CACNA1E: variants seen among roughly 807,000 people sequenced by gnomAD.
CACNA1E encodes voltage-dependent R-type calcium channel subunit alpha-1E.
CACNA1E carries 40 observed loss-of-function variants against 259.2 expected under a neutral mutation model. The ratio of observed to expected loss-of-function variants is 0.15; its 90% confidence interval spans 0.12 to 0.20. The LOEUF (loss-of-function observed/expected upper bound fraction) is 0.20, where lower values mean the gene tolerates loss of function less well. Ranked by LOEUF, CACNA1E falls within the 10% of genes least tolerant of loss-of-function variation. The pLI is 1.00. For synonymous variants in CACNA1E, 1,104 were observed against 1,138.5 expected, an observed-to-expected ratio of 0.97 and a Z score of 0.61; for missense variants, 1,874 against 3,040.1, an observed-to-expected ratio of 0.62 and a Z score of 9.02.
intron 6 of CACNA1E, among the ~76,000 whole-genome samples, chr1:181,634,109 C>G (rs1656990100): frequency 6.6e-6 from 1 of 152,128 alleles, no homozygotes; most frequent in Non-Finnish European, 1.5e-5. Context: ...TGAGCGTGGT[C>G]TTTGAAGTTA....
At chr1:181,466,100 C>T (rs1472997932) in intron 2 of CACNA1E, among the ~76,000 whole-genome samples, 3 of 152,142 alleles carry the variant, frequency 2.0e-5, no homozygotes, top group African/African-American at 7.2e-5. Flanking sequence ...TCCTTGTTAT[C>T]TATTTTTGCT....
At chr1:181,571,183 A>T (rs1650375795) in intron 3 of CACNA1E, among the ~76,000 whole-genome samples, 1 of 152,196 alleles carries the variant, frequency 6.6e-6, no homozygotes, top group Admixed American at 6.5e-5. Flanking sequence ...CAGGTAAGAA[A>T]ACTGTAGCTC....
At chr1:181,427,135 A>G (rs965111900) in intron 2 of CACNA1E, among the ~76,000 whole-genome samples, 1 of 151,036 alleles carries the variant, frequency 6.6e-6, no homozygotes, top group Non-Finnish European at 1.5e-5. Context: ...TGTCTCCCCA[A>G]CTTGACCCTT....
intron 6 of CACNA1E, among the ~76,000 whole-genome samples, chr1:181,612,032 T>C (rs1654795855): frequency 6.6e-6 from 1 of 152,176 alleles, no homozygotes; most frequent in Non-Finnish European, 1.5e-5. Flanking sequence ...GCAGAGACTG[T>C]CAAGTCACCC....
At chr1:181,717,716 G>A (rs919905262) in intron 11 of CACNA1E, among the ~76,000 whole-genome samples, 2 of 152,038 alleles carry the variant, frequency 1.3e-5, no homozygotes, top group Admixed American at 1.3e-4. Context: ...TGAGGGTCAG[G>A]GGCCTGTCCC....
At chr1:181,784,583 G>T in intron 40 of CACNA1E, 78 bp from the exon 41 acceptor site, 1 of 934,144 alleles carries the variant, frequency 1.1e-6, no homozygotes, top group Non-Finnish European at 1.7e-6. Flanking sequence ...TGCTGATTCA[G>T]CTCCTACCTT....
chr1:181,773,513 C>G (rs1659707185), intron 37 of CACNA1E, among the ~76,000 whole-genome samples: 1 of 152,166 alleles, frequency 6.6e-6, no homozygotes, highest in Non-Finnish European at 1.5e-5. Flanking sequence ...ATCTTATTTA[C>G]AAATATGGAA....
intron 1 of CACNA1E, among the ~76,000 whole-genome samples, chr1:181,345,488 G>A (rs1019660606): frequency 6.6e-5 from 10 of 152,190 alleles, no homozygotes; most frequent in Admixed American, 6.5e-4. Flanking sequence ...TACCGAGAAG[G>A]CTCTAGGCCT....
intron 3 of CACNA1E, among the ~76,000 whole-genome samples, chr1:181,522,491 G>T (rs1667062568): frequency 6.6e-6 from 1 of 152,176 alleles, no homozygotes; most frequent in Non-Finnish European, 1.5e-5. Context: ...TAGAACAATG[G>T]TCAAAAGATC....
At position 181,439,682 on chromosome 1, in the gene CACNA1E, C is replaced by G. The variant is rs79114316; in HGVS notation, c.434+26102C>G. Among the ~76,000 whole-genome samples the G allele has an allele frequency of 2.4e-3, 367 of 152,216 alleles. 2 individuals are homozygous for G. The highest frequency in any genetic ancestry group is 8.6e-3 in the African/African-American group (357 of 41,524). On this transcript the variant is annotated intron_variant, in intron 2 of 11. Transcript: ENST00000524607. Reference sequence around the variant, plus strand: ...GCAAGAGGCTCATCTAAGGCATTTCCCCACAAAAGGGCAAGCCTCTCCCAC... The same window carrying G: ...GCAAGAGGCTCATCTAAGGCATTTCGCCACAAAAGGGCAAGCCTCTCCCAC...
intron 2 of CACNA1E, among the ~76,000 whole-genome samples, chr1:181,417,866 C>T (rs145743234): frequency 5.9e-5 from 9 of 152,302 alleles, no homozygotes; most frequent in Non-Finnish European, 1.0e-4. Flanking sequence ...TGGTACCAGG[C>T]CTTTACCTTC....
Position 181,798,118 on chromosome 1 carries a change from T to C in CACNA1E, c.6400-174T>C, listed in dbSNP as rs1239913286. Among the ~76,000 whole-genome samples the C allele has an allele frequency of 6.6e-6, 1 of 152,208 alleles. No homozygotes were observed. The highest frequency in any genetic ancestry group is 1.5e-5 in the Non-Finnish European group (1 of 68,050). ...TGAGATGTCCTGGTCTAAATGTTCT[T>C]GACTCCTTAATCTCTTCAATCCCTT... On this transcript the variant is annotated intron_variant, in intron 47 of 47. Coordinates refer to ENST00000367573, the MANE Select transcript of CACNA1E (RefSeq NM_001205293.3). The surrounding 1 kb of genome is among the most constrained non-coding windows in gnomAD (Gnocchi z 4.2).
intron 3 of CACNA1E, among the ~76,000 whole-genome samples, chr1:181,564,095 G>T (rs1285973571): frequency 6.6e-6 from 1 of 152,156 alleles, no homozygotes; most frequent in Non-Finnish European, 1.5e-5. Context: ...TAGGGTGCTG[G>T]TTGCTAAAGG....
chr1:181,705,632 G>T (rs918369932), intron 7 of CACNA1E, among the ~76,000 whole-genome samples: 1 of 152,232 alleles, frequency 6.6e-6, no homozygotes, highest in Non-Finnish European at 1.5e-5. Context: ...TCCCTCAGAG[G>T]AGCCAGGTTT....
intron 7 of CACNA1E, among the ~76,000 whole-genome samples, chr1:181,710,548 A>G (rs1653246366): frequency 6.6e-6 from 1 of 151,916 alleles, no homozygotes; most frequent in African/African-American, 2.4e-5. Flanking sequence ...CCAACACATC[A>G]TAATTGGTCA....
At chr1:181,724,692 A>G (rs1654729489) in intron 17 of CACNA1E, among the ~76,000 whole-genome samples, 155 bp downstream of exon 17, 1 of 152,164 alleles carries the variant, frequency 6.6e-6, no homozygotes, top group Non-Finnish European at 1.5e-5. Flanking sequence ...CCACACACCC[A>G]TGACGGAAGG....
At chr1:181,596,923 G>C (rs994405099) in intron 6 of CACNA1E, among the ~76,000 whole-genome samples, 1 of 152,052 alleles carries the variant, frequency 6.6e-6, no homozygotes, top group African/African-American at 2.4e-5. Context: ...GTCCAAAAAA[G>C]GAGGAAGGAG....
At chr1:181,472,402 C>G (rs189415467) in intron 2 of CACNA1E, among the ~76,000 whole-genome samples, 2 of 152,314 alleles carry the variant, frequency 1.3e-5, no homozygotes, top group East Asian at 3.9e-4. Flanking sequence ...AAAAAAGTAA[C>G]TATGTGAGAT....
chr1:181,579,364 G>T, intron 5 of CACNA1E, 140 bp downstream of exon 5: 2 of 664,402 alleles, frequency 3.0e-6, no homozygotes, highest in Non-Finnish European at 5.1e-6. Context: ...CTAGTCAGCA[G>T]CCTTTTGAGG....
Sources: gnomAD v4.1 joint callset for allele counts (sites outside exome capture counted in the v4.1 genomes callset) on GRCh38, gnomAD v4.1.1 for gene constraint, Gnocchi (gnomAD v3.1) non-coding constraint, MANE v1.5 for transcripts, NCBI Gene and HGNC (gene_info 2026-07-23, HGNC 2026-07-21) for gene names.